Variants in PPP1R1C observed in about 807,000 individuals in gnomAD.
PPP1R1C encodes protein phosphatase 1 regulatory subunit 1C.
In PPP1R1C, 15 loss-of-function variants were observed where a neutral mutation model predicts 17.4. That is an observed-to-expected ratio of 0.86 (90% CI 0.58 to 1.33). PPP1R1C has a LOEUF of 1.33. Among genes scored for constraint, PPP1R1C ranks in the 40% most tolerant of loss-of-function variants. The pLI, the probability that PPP1R1C is intolerant of heterozygous loss-of-function variation, is 0.00. For missense variants in PPP1R1C, 143 were observed against 130.0 expected, an observed-to-expected ratio of 1.10 and a Z score of -0.48; for synonymous variants, 35 against 43.1, an observed-to-expected ratio of 0.81 and a Z score of 0.73.
rs928946459 is a variant in PPP1R1C at position 182,079,312 on chromosome 2, A to C, written c.241+15521A>C. Among the ~76,000 whole-genome samples the C allele has an allele frequency of 1.3e-5, 2 of 152,210 alleles. 1 individual carries two copies. Among genetic ancestry groups the C allele is most frequent in the Non-Finnish European group, 2.9e-5 (2 of 68,038 alleles). On this transcript the variant is annotated intron_variant, in intron 4 of 4. Transcript: ENST00000682840. ...ACAGTAAACAATGGTTTTATAATCT[A>C]ATAGCTAGATAAGGAAAAATGGTTT...
intron 2 of PPP1R1C, among the ~76,000 whole-genome samples, chr2:182,040,820 T>C (rs1559068387): frequency 6.6e-6 from 1 of 152,194 alleles, no homozygotes; most frequent in Non-Finnish European, 1.5e-5. Flanking sequence ...CCATCTTGAC[T>C]TGATTTTTAT....
chr2:182,021,171 G>C (rs16822352), intron 2 of PPP1R1C, among the ~76,000 whole-genome samples: 2,681 of 152,214 alleles, frequency 0.018, 69 homozygotes, highest in African/African-American at 0.061. Flanking sequence ...GCAGAATCTA[G>C]ATTGTTGTCT....
chr2:182,097,299 C>T (rs1688968715), intron 4 of PPP1R1C, among the ~76,000 whole-genome samples: 1 of 152,238 alleles, frequency 6.6e-6, no homozygotes, highest in Non-Finnish European at 1.5e-5. Flanking sequence ...ACCTGCCACC[C>T]CTAATGTGCT....
In PPP1R1C at chr2:182,026,481, G is replaced by C. The variant is rs979970922; in HGVS notation, c.143-34961G>C. On this transcript the variant is annotated intron_variant, in intron 2 of 4. Transcript: ENST00000682840. ...TTAAATAGGGAATCCTTTCCCCATT[G>C]CTTGTTTTTGTCAGGTTTGTCAAAG... Among the ~76,000 whole-genome samples, 30 of 136,430 alleles carry C rather than the reference G, an allele frequency of 2.2e-4. No homozygotes were observed. In the East Asian group the frequency reaches 5.8e-3, roughly 26 times the overall value. 89.5% of individuals were successfully genotyped at this position (136,430 alleles called of 152,430 possible).
chr2:182,053,871 C>A (rs1454423735), intron 2 of PPP1R1C, among the ~76,000 whole-genome samples: 1 of 152,092 alleles, frequency 6.6e-6, no homozygotes, highest in South Asian at 2.1e-4. Context: ...ACCTCCGCCT[C>A]CCAGGTTCAA....
chr2:181,988,548 T>C (rs1262476107), intron 2 of PPP1R1C, among the ~76,000 whole-genome samples: 1 of 152,126 alleles, frequency 6.6e-6, no homozygotes, highest in African/African-American at 2.4e-5. Flanking sequence ...TGAAGCGGGG[T>C]GATTTTTAGT....
intron 4 of PPP1R1C, among the ~76,000 whole-genome samples, chr2:182,065,074 A>T (rs1687949395): frequency 6.6e-6 from 1 of 152,140 alleles, no homozygotes; most frequent in South Asian, 2.1e-4. Flanking sequence ...CTCAAATATC[A>T]AAAGAATGTG....
chr2:182,109,686 T>G (rs1689360728), intron 4 of PPP1R1C, among the ~76,000 whole-genome samples: 1 of 152,234 alleles, frequency 6.6e-6, no homozygotes, highest in Non-Finnish European at 1.5e-5. Flanking sequence ...GGACTCTCTA[T>G]GCTGTTCCAT....
At chr2:182,121,667 T>G (rs1200886418), downstream of PPP1R1C, among the ~76,000 whole-genome samples, 1 of 151,928 alleles carries the variant, frequency 6.6e-6, no homozygotes, top group African/African-American at 2.4e-5. Context: ...TTTGTTTGTT[T>G]GTTTGTTTTG....
chr2:182,124,506 A>T (rs1030434910), intron 5 of PPP1R1C, among the ~76,000 whole-genome samples: 9 of 150,858 alleles, frequency 6.0e-5, no homozygotes, highest in African/African-American at 1.7e-4. Flanking sequence ...CATTTTCATG[A>T]TATTGACTCT....
intron 2 of PPP1R1C, among the ~76,000 whole-genome samples, chr2:182,049,631 G>A (rs528658924): frequency 3.9e-5 from 6 of 152,074 alleles, no homozygotes; most frequent in African/African-American, 1.4e-4. Flanking sequence ...AACATGCAGG[G>A]GTTTACCTTT....
At chr2:182,113,492 G>A (rs967659225) in intron 4 of PPP1R1C, among the ~76,000 whole-genome samples, 2 of 152,102 alleles carry the variant, frequency 1.3e-5, no homozygotes, top group African/African-American at 4.8e-5. Context: ...GCATGTTGCA[G>A]GAAAAGTCTG....
At chr2:182,073,697 C>T (rs1688206123) in intron 4 of PPP1R1C, among the ~76,000 whole-genome samples, 1 of 152,130 alleles carries the variant, frequency 6.6e-6, no homozygotes, top group Non-Finnish European at 1.5e-5. Flanking sequence ...AAATGAATGG[C>T]ATCTGTAAGT....
At chr2:182,064,083 G>A (rs938039239) in intron 4 of PPP1R1C, 42 of 347,160 alleles carry the variant, frequency 1.2e-4, no homozygotes, top group African/African-American at 5.7e-4. Context: ...CTTCCTTAAA[G>A]AGATTTTCCC....
chr2:182,053,113 C>T (rs540333865), intron 2 of PPP1R1C, among the ~76,000 whole-genome samples: 2 of 152,220 alleles, frequency 1.3e-5, no homozygotes, highest in East Asian at 1.9e-4. Flanking sequence ...TAATTTCATC[C>T]GTTCAAGAAG....
At chr2:182,028,724 A>G (rs1025057357) in intron 2 of PPP1R1C, among the ~76,000 whole-genome samples, 4 of 148,248 alleles carry the variant, frequency 2.7e-5, no homozygotes, top group African/African-American at 9.9e-5. Flanking sequence ...GATGTCTATT[A>G]GGTCTGCTTG....
intron 1 of PPP1R1C, among the ~76,000 whole-genome samples, chr2:181,964,147 C>T (rs1032946364): frequency 6.6e-6 from 1 of 152,198 alleles, no homozygotes; most frequent in African/African-American, 2.4e-5. Context: ...CATCATTCTG[C>T]TCTCTGTTGC....
chr2:182,083,682 G>T (rs1308490328), intron 4 of PPP1R1C, among the ~76,000 whole-genome samples: 1 of 152,002 alleles, frequency 6.6e-6, no homozygotes, highest in Non-Finnish European at 1.5e-5. Flanking sequence ...ACTTAGTTTT[G>T]TTCCATATCT....
intron 2 of PPP1R1C, among the ~76,000 whole-genome samples, chr2:182,000,741 C>G (rs188216227): frequency 1.3e-5 from 2 of 152,106 alleles, no homozygotes; most frequent in African/African-American, 4.8e-5. Context: ...GCTTGGTGGG[C>G]TTAATCAGGT....
Sources: gnomAD v4.1 joint callset for allele counts (sites outside exome capture counted in the v4.1 genomes callset) on GRCh38, gnomAD v4.1.1 for gene constraint, MANE v1.5 for transcripts, NCBI Gene and HGNC (gene_info 2026-07-23, HGNC 2026-07-21) for gene names.